Variants in ZBTB7C observed in about 807,000 individuals in gnomAD.
The protein encoded by ZBTB7C is zinc finger and BTB domain-containing protein 7C.
A neutral mutation model predicts 25.7 loss-of-function variants in ZBTB7C; 8 were observed. The observed-to-expected ratio is 0.31, with a 90% CI of 0.18 to 0.56. The LOEUF (loss-of-function observed/expected upper bound fraction) is 0.56. Among genes scored for constraint, ZBTB7C ranks in the 20% least tolerant of loss-of-function variants. The pLI is 0.91. For missense variants in ZBTB7C, 824 were observed against 855.2 expected (o/e 0.96, Z 0.46); for synonymous variants, 394 against 369.0 (o/e 1.07, Z -0.78).
intron 3 of ZBTB7C, among the ~76,000 whole-genome samples, chr18:48,180,953 G>C (rs1341905468): frequency 6.6e-6 from 1 of 152,186 alleles, no homozygotes; most frequent in Non-Finnish European, 1.5e-5. Context: ...TCCAATTCTA[G>C]CACTTACTGG....
At chr18:48,281,758 G>A (rs1381063202) in intron 2 of ZBTB7C, among the ~76,000 whole-genome samples, 12 of 151,758 alleles carry the variant, frequency 7.9e-5, no homozygotes, top group Non-Finnish European at 1.5e-5. Flanking sequence ...AAACCACAAG[G>A]AGATACCATC....
chr18:48,284,809 AAACAG>A (rs1262928438), intron 2 of ZBTB7C, among the ~76,000 whole-genome samples: 2 of 123,584 alleles, frequency 1.6e-5, no homozygotes, highest in African/African-American at 6.5e-5. Flanking sequence ...AAAAAAAAAA[AAACAG>A]AGAGAGAGAG....
intron 3 of ZBTB7C, among the ~76,000 whole-genome samples, chr18:48,143,506 A>C (rs1424686352): frequency 6.6e-6 from 1 of 152,182 alleles, no homozygotes; most frequent in Non-Finnish European, 1.5e-5. Context: ...CTGAGGGTCT[A>C]GGCAGCCTCA....
intron 2 of ZBTB7C, among the ~76,000 whole-genome samples, chr18:48,187,262 G>A (rs769589478): frequency 5.9e-5 from 9 of 152,290 alleles, no homozygotes; most frequent in Middle Eastern, 3.4e-3. Context: ...GTACATCCAC[G>A]TTCATCAGCA....
At chr18:48,349,105 G>T (rs1010009263) in intron 1 of ZBTB7C, among the ~76,000 whole-genome samples, 1 of 152,212 alleles carries the variant, frequency 6.6e-6, no homozygotes, top group Non-Finnish European at 1.5e-5. Flanking sequence ...CCCTAGGCAT[G>T]GTGCTGGCTG....
At chr18:48,283,661 T>C (rs1374456912) in intron 2 of ZBTB7C, among the ~76,000 whole-genome samples, 5 of 152,130 alleles carry the variant, frequency 3.3e-5, no homozygotes, top group African/African-American at 4.8e-5. Context: ...TGAATTTGAG[T>C]CTCAGTTCTA....
intron 4 of ZBTB7C, among the ~76,000 whole-genome samples, chr18:48,035,711 C>T (rs1176520113): frequency 6.6e-6 from 1 of 152,238 alleles, no homozygotes; most frequent in Non-Finnish European, 1.5e-5. Context: ...AATGCTTTAT[C>T]TTCCTGAGAT....
chr18:48,290,751 A>ACCCT (rs1282289475), intron 2 of ZBTB7C, among the ~76,000 whole-genome samples: 24 of 151,886 alleles, frequency 1.6e-4, no homozygotes, highest in Admixed American at 7.2e-4. Context: ...CTGCCCAGAC[A>ACCCT]CCCTCCCACT....
Position 48,029,070 on chromosome 18 carries a change from C to T in ZBTB7C, c.*190G>A, listed in dbSNP as rs2035612443. ...TGGCCTTTTGGGAAAAGATGCCCGT[C>T]TCAGACCAGCAAAAGGAGGCAGCTG... On this transcript the variant is annotated 3_prime_UTR_variant, in exon 5 of 5. Coordinates refer to ENST00000590800, the MANE Select transcript of ZBTB7C (RefSeq NM_001318841.2). The T allele has an allele frequency of 7.2e-6, 6 of 834,776 alleles. No homozygotes were observed. Among genetic ancestry groups the T allele is most frequent in the Non-Finnish European group, 1.0e-5 (6 of 580,090 alleles). The allele number at this position is 834,776 out of a possible 1,614,324, so 51.7% of individuals were successfully genotyped here.
intron 1 of ZBTB7C, among the ~76,000 whole-genome samples, chr18:48,341,664 G>A (rs750852832): frequency 2.0e-5 from 3 of 152,236 alleles, no homozygotes; most frequent in Non-Finnish European, 4.4e-5. Flanking sequence ...CAGGGCTACA[G>A]CATGCCGCTT....
intron 2 of ZBTB7C, among the ~76,000 whole-genome samples, chr18:48,210,565 G>C (rs2042679730): frequency 6.6e-6 from 1 of 152,166 alleles, no homozygotes; most frequent in Admixed American, 6.5e-5. Context: ...AGCCACAAAA[G>C]ATCACATATT....
At chr18:48,207,535 A>G (rs2042603294) in intron 2 of ZBTB7C, among the ~76,000 whole-genome samples, 1 of 152,200 alleles carries the variant, frequency 6.6e-6, no homozygotes, top group Non-Finnish European at 1.5e-5. Flanking sequence ...CAGATTATCT[A>G]TCAATCATCT....
intron 3 of ZBTB7C, among the ~76,000 whole-genome samples, chr18:48,161,258 G>T (rs1281604511): frequency 2.6e-5 from 4 of 152,064 alleles, no homozygotes; most frequent in African/African-American, 9.7e-5. Flanking sequence ...AAGAGCACGT[G>T]CAAGATTTGA....
chr18:48,137,282 G>C, intron 3 of ZBTB7C: 1 of 985,472 alleles, frequency 1.0e-6, no homozygotes, highest in South Asian at 4.7e-5. Context: ...CCACTCGCGC[G>C]TTACGCTTCA....
At chr18:48,356,135 C>A (rs994711428) in intron 1 of ZBTB7C, among the ~76,000 whole-genome samples, 11 of 152,158 alleles carry the variant, frequency 7.2e-5, no homozygotes, top group Non-Finnish European at 1.5e-4. Flanking sequence ...GTTATAGGAT[C>A]CTCAACATCC....
intron 2 of ZBTB7C, among the ~76,000 whole-genome samples, chr18:48,256,438 C>T (rs1310304798): frequency 8.6e-6 from 1 of 115,962 alleles, no homozygotes; most frequent in East Asian, 2.4e-4. Flanking sequence ...CTTTCTAAAG[C>T]AAAGGTAAAA....
At chr18:48,052,317 T>C (rs1455857796) in intron 3 of ZBTB7C, among the ~76,000 whole-genome samples, 1 of 152,222 alleles carries the variant, frequency 6.6e-6, no homozygotes, top group Non-Finnish European at 1.5e-5. Flanking sequence ...AGAGTGGAAA[T>C]GGTTTAGATT....
intron 1 of ZBTB7C, among the ~76,000 whole-genome samples, chr18:48,367,307 T>C (rs2047260706): frequency 7.5e-6 from 1 of 133,914 alleles, no homozygotes; most frequent in Admixed American, 7.7e-5. Context: ...CATATATGTA[T>C]AGATACATAT....
chr18:48,286,765 G>A (rs963879124), intron 2 of ZBTB7C, among the ~76,000 whole-genome samples: 1 of 152,102 alleles, frequency 6.6e-6, no homozygotes, highest in South Asian at 2.1e-4. Context: ...AAACTGACCA[G>A]AAGAGGCCAG....
Sources: gnomAD v4.1 joint callset for allele counts (sites outside exome capture counted in the v4.1 genomes callset) on GRCh38, gnomAD v4.1.1 for gene constraint, MANE v1.5 for transcripts, NCBI Gene and HGNC (gene_info 2026-07-23, HGNC 2026-07-21) for gene names.